CPEB1: variants seen among roughly 807,000 people sequenced by gnomAD.
CPEB1 encodes cytoplasmic polyadenylation element-binding protein 1.
CPEB1 carries 7 observed loss-of-function variants against 65.8 expected under a neutral mutation model. That is an observed-to-expected ratio of 0.11 (90% CI 0.06 to 0.20). CPEB1 has a LOEUF of 0.20. Among genes scored for constraint, CPEB1 ranks in the 10% least tolerant of loss-of-function variants. The pLI is 1.00. For missense variants in CPEB1, 551 were observed against 712.2 expected, an observed-to-expected ratio of 0.77 and a Z score of 2.58; for synonymous variants, 262 against 260.0, an observed-to-expected ratio of 1.01 and a Z score of -0.08.
intron 3 of CPEB1, among the ~76,000 whole-genome samples, chr15:82,623,416 G>A (rs1244350658): frequency 6.6e-6 from 1 of 152,198 alleles, no homozygotes; most frequent in East Asian, 1.9e-4. Context: ...GGTGGCTCAC[G>A]CCTGTAATCC....
At chr15:82,629,690 T>C (rs955939245) in intron 1 of CPEB1, 12 of 985,242 alleles carry the variant, frequency 1.2e-5, no homozygotes, top group Non-Finnish European at 1.4e-5. Flanking sequence ...TCCTCAATTA[T>C]CTTGCGGAAA....
At chr15:82,594,988 A>G (rs960287586) in intron 3 of CPEB1, among the ~76,000 whole-genome samples, 6 of 152,226 alleles carry the variant, frequency 3.9e-5, no homozygotes, top group Admixed American at 2.6e-4. Flanking sequence ...TTACAATAGC[A>G]GCAAAGCAAC....
rs570454477 is a variant in CPEB1 at position 82,583,890 on chromosome 15, G to A, written c.272-12358C>T. Among the ~76,000 whole-genome samples, 9 of 152,290 alleles carry A rather than the reference G, an allele frequency of 5.9e-5. No individual in the cohort carries two copies. In the South Asian group the frequency reaches 1.7e-3, roughly 28 times the overall value. On this transcript the variant is annotated intron_variant, in intron 3 of 12. Coordinates refer to ENST00000684509, the MANE Select transcript of CPEB1 (RefSeq NM_001365242.1). ...ACAATGCCTGTAAAGGAATCAATATGAATTGTCTGATCATCCTATTGATAC... is the reference window on the plus strand; with the variant it reads ...ACAATGCCTGTAAAGGAATCAATATAAATTGTCTGATCATCCTATTGATAC...
chr15:82,599,738 A>G (rs2042947159), intron 3 of CPEB1, among the ~76,000 whole-genome samples: 1 of 152,184 alleles, frequency 6.6e-6, no homozygotes, highest in African/African-American at 2.4e-5. Flanking sequence ...ATCCACATTA[A>G]GCTGGGACCC....
At chr15:82,611,682 T>C (rs1010145479) in intron 3 of CPEB1, among the ~76,000 whole-genome samples, 1 of 151,824 alleles carries the variant, frequency 6.6e-6, no homozygotes, top group Admixed American at 6.6e-5. Flanking sequence ...GGAAGATCAC[T>C]TGAGCCCAAG....
At chr15:82,568,407 C>T (rs146136833) in intron 4 of CPEB1, among the ~76,000 whole-genome samples, 359 of 152,150 alleles carry the variant, frequency 2.4e-3, no homozygotes, top group African/African-American at 8.0e-3. Context: ...ATGAGAAAAA[C>T]GCACTTATAA....
At chr15:82,568,916 T>C (rs1317438170) in intron 4 of CPEB1, among the ~76,000 whole-genome samples, 1 of 152,194 alleles carries the variant, frequency 6.6e-6, no homozygotes, top group Non-Finnish European at 1.5e-5. Context: ...TTAAGAGTGG[T>C]AGAAGATGGT....
intron 9 of CPEB1, among the ~76,000 whole-genome samples, chr15:82,550,567 G>A (rs1255265137): frequency 1.3e-5 from 2 of 152,186 alleles, no homozygotes; most frequent in South Asian, 2.1e-4. Context: ...TGGGATGAGA[G>A]GACCTGGCAG....
chr15:82,589,227 C>T (rs778865673), intron 3 of CPEB1, among the ~76,000 whole-genome samples: 10 of 152,260 alleles, frequency 6.6e-5, no homozygotes, highest in East Asian at 1.9e-4. Flanking sequence ...TTCAGGCCCA[C>T]GCCAAGGCCC....
intron 2 of CPEB1, 56 bp downstream of exon 2, chr15:82,628,308 T>C: frequency 1.4e-6 from 1 of 701,856 alleles, no homozygotes; most frequent in Non-Finnish European, 2.6e-6. Context: ...CAAAAAAAGG[T>C]TGGGAGTGAA....
chr15:82,646,214 T>C (rs760756810), intron 1 of CPEB1, among the ~76,000 whole-genome samples: 2 of 152,164 alleles, frequency 1.3e-5, no homozygotes, highest in African/African-American at 2.4e-5. Flanking sequence ...TAGCAGACAC[T>C]CTTCCCGCTA....
chr15:82,644,244 T>C (rs587600929), intron 1 of CPEB1, among the ~76,000 whole-genome samples: 38 of 152,286 alleles, frequency 2.5e-4, no homozygotes, highest in East Asian at 3.9e-4. Flanking sequence ...AAGGTTCACT[T>C]TGCCTATAAA....
chr15:82,623,602 G>C lies in CPEB1; in HGVS notation c.271+3591C>G, dbSNP rs569893202. ...GAGGCAGGAGACTCACTTGGACCCG[G>C]GAGTTGGAGGTTGCAGTGAGCCGAG... On this transcript the variant is annotated intron_variant, in intron 3 of 12. Transcript: ENST00000684509. Among the ~76,000 whole-genome samples, 18 of 152,276 alleles carry C rather than the reference G, an allele frequency of 1.2e-4. No homozygotes were observed. The South Asian group carries it at 3.3e-3, about 28-fold the overall frequency.
intron 3 of CPEB1, among the ~76,000 whole-genome samples, chr15:82,606,278 G>A (rs574529368): frequency 1.3e-5 from 2 of 151,226 alleles, no homozygotes; most frequent in African/African-American, 4.8e-5. Flanking sequence ...GACCAGCCTG[G>A]CCAACATGGC....
intron 1 of CPEB1, among the ~76,000 whole-genome samples, chr15:82,642,635 G>A (rs911129325): frequency 2.0e-5 from 3 of 152,196 alleles, no homozygotes; most frequent in Admixed American, 6.5e-5. Flanking sequence ...TCAAACAAGA[G>A]AAGCAAAATT....
chr15:82,552,536 C>G lies in CPEB1; in HGVS notation c.1225G>C (p.Asp409His). Residue 409 changes from aspartate to histidine, a missense_variant, in exon 9 of 13, where the codon GAT becomes CAT. Asp to His is a moderately conservative substitution (Grantham distance 81). This residue lies in a region of CPEB1 where 99 missense variants were observed against 161.3 expected (regional missense o/e 0.61). Coordinates refer to ENST00000684509, the MANE Select transcript of CPEB1 (RefSeq NM_001365242.1). Reference protein sequence around the residue: ...QACSHDPLSPDGLSEYYFKMS... With the variant: ...QACSHDPLSPHGLSEYYFKMS... ...TTGAAATAATATTCACTCAGGCCATCTGGGCTCAGCGGGTCATGAGAGCAA... is the reference window on the plus strand; with the variant it reads ...TTGAAATAATATTCACTCAGGCCATGTGGGCTCAGCGGGTCATGAGAGCAA... 1 of 1,608,912 alleles carries G rather than the reference C, an allele frequency of 6.2e-7. No homozygotes were observed. Among genetic ancestry groups the G allele is most frequent in the South Asian group, 1.1e-5 (1 of 90,086 alleles).
intron 3 of CPEB1, among the ~76,000 whole-genome samples, chr15:82,582,297 G>A (rs1331843179): frequency 6.6e-6 from 1 of 152,066 alleles, no homozygotes; most frequent in African/African-American, 2.4e-5. Flanking sequence ...CGTAATTCAG[G>A]CCCTTTAGCA....
chr15:82,547,298 T>G (rs2035412369), intron 10 of CPEB1, 61 bp from the exon 11 acceptor site: 7 of 993,126 alleles, frequency 7.0e-6, no homozygotes, highest in Non-Finnish European at 1.1e-5. Context: ...ACTTTTTTTT[T>G]TTTTTTTTTT....
At position 82,549,581 on chromosome 15, in the gene CPEB1, C is replaced by T. The variant is rs960611820; in HGVS notation, c.1359G>A (p.Thr453=). Residue 453 remains threonine (T), a synonymous_variant, in exon 10 of 13, where the codon ACG becomes ACA. Coordinates refer to ENST00000684509, the MANE Select transcript of CPEB1 (RefSeq NM_001365242.1). ...TTCCATGCAGAGCACCGACAAACACCGTCCTGCTGGGGTCAAGCCTCTGAG... is the reference window on the plus strand; with the variant it reads ...TTCCATGCAGAGCACCGACAAACACTGTCCTGCTGGGGTCAAGCCTCTGAG... ...SPSQRLDPSR[T]VFVGALHGML... 8.7e-6 allele frequency: 14 copies of T among 1,614,196 alleles called. No homozygotes were observed. The highest frequency in any genetic ancestry group is 1.0e-5 in the Non-Finnish European group (12 of 1,180,034).
Sources: gnomAD v4.1 joint callset for allele counts (sites outside exome capture counted in the v4.1 genomes callset) on GRCh38, gnomAD v4.1.1 for gene constraint, gnomAD v4.1.1 regional missense constraint, MANE v1.5 for transcripts, NCBI Gene and HGNC (gene_info 2026-07-23, HGNC 2026-07-21) for gene names.